Variants in CYP7B1 observed in about 807,000 individuals in gnomAD.
CYP7B1 encodes the protein cytochrome P450 family 7 subfamily B member 1, also known as cytochrome P450 7B1.
CYP7B1 carries 29 observed loss-of-function variants against 42.7 expected under a neutral mutation model. The ratio of observed to expected loss-of-function variants is 0.68; its 90% CI spans 0.51 to 0.93. The LOEUF (loss-of-function observed/expected upper bound fraction) is 0.93, where lower values mean the gene tolerates loss of function less well. CYP7B1 is among the 40% of genes least tolerant of loss of function. CYP7B1 has a pLI of 0.00. For synonymous variants in CYP7B1, 235 were observed against 218.2 expected, an observed-to-expected ratio of 1.08 and a Z score of -0.68; for missense variants, 655 against 600.5, an observed-to-expected ratio of 1.09 and a Z score of -0.95.
intron 1 of CYP7B1, among the ~76,000 whole-genome samples, chr8:64,763,160 T>C (rs1265598618): frequency 6.6e-6 from 1 of 152,232 alleles, no homozygotes; most frequent in Non-Finnish European, 1.5e-5. Flanking sequence ...ACTGTGCTCC[T>C]GATCCAGCAA....
chr8:64,711,122 G>C (rs1404697431), intron 1 of CYP7B1, among the ~76,000 whole-genome samples: 1 of 152,146 alleles, frequency 6.6e-6, no homozygotes, highest in Non-Finnish European at 1.5e-5. Flanking sequence ...GGGAGTAAAA[G>C]GTTTTCAAAT....
chr8:64,762,853 A>G (rs762816851), intron 1 of CYP7B1, among the ~76,000 whole-genome samples: 8 of 152,178 alleles, frequency 5.3e-5, no homozygotes, highest in Non-Finnish European at 8.8e-5. Flanking sequence ...TACTGGGTGA[A>G]TAGTATATGT....
rs1156603706 is a variant in CYP7B1 at position 64,715,398 on chromosome 8, T to G, written c.122+83068A>C. ...ATAAAAGGGCCTCCACTGAACAGTTTATATAAATTAGCACACAACACTTTT... is the reference window on the plus strand; with the variant it reads ...ATAAAAGGGCCTCCACTGAACAGTTGATATAAATTAGCACACAACACTTTT... On this transcript the variant is annotated intron_variant, in intron 1 of 5. Coordinates refer to ENST00000310193, the MANE Select transcript of CYP7B1 (RefSeq NM_004820.5). Among the ~76,000 whole-genome samples, 5 of 152,180 alleles carry G rather than the reference T, an allele frequency of 3.3e-5. No homozygotes were observed. The East Asian group carries it at 9.6e-4, about 29-fold the overall frequency.
At position 64,594,902 on chromosome 8, in the gene CYP7B1, T is replaced by G. The variant is rs1207027397; in HGVS notation, c.*1740A>C. ...ATGGCTGAGAAGATTCCATACTTGA[T>G]GGGAGACACCTGTGCTCAGATTCAA... On this transcript the variant is annotated 3_prime_UTR_variant, in exon 6 of 6. Transcript: ENST00000310193. Among the ~76,000 whole-genome samples, 1 of 152,190 alleles carries G rather than the reference T, an allele frequency of 6.6e-6. No homozygotes were observed. The highest frequency in any genetic ancestry group is 1.5e-5 in the Non-Finnish European group (1 of 68,032).
chr8:64,776,056 C>G (rs1212945282), intron 1 of CYP7B1, among the ~76,000 whole-genome samples: 1 of 152,064 alleles, frequency 6.6e-6, no homozygotes, highest in Non-Finnish European at 1.5e-5. Flanking sequence ...TTTTCTCTTT[C>G]AATAAGGAGA....
At chr8:64,665,191 T>A (rs539803073) in intron 1 of CYP7B1, among the ~76,000 whole-genome samples, 62 of 152,216 alleles carry the variant, frequency 4.1e-4, no homozygotes, top group Non-Finnish European at 7.9e-4. Context: ...TTAAAAGTTA[T>A]GATTTTTGCC....
At chr8:64,611,679 C>A (rs1805366065) in intron 4 of CYP7B1, among the ~76,000 whole-genome samples, 1 of 152,136 alleles carries the variant, frequency 6.6e-6, no homozygotes, top group Non-Finnish European at 1.5e-5. Flanking sequence ...ACATCCCTCA[C>A]CTGGACCATG....
In CYP7B1 at chr8:64,729,136, G is replaced by C. The variant is rs1807370831; in HGVS notation, c.122+69330C>G. On this transcript the variant is annotated intron_variant, in intron 1 of 5. Transcript: ENST00000310193. ...GAGAGTGCCACTGCACTCCCGCCTGGGCAACAGATCGATACCCTGTCTCAG... is the reference window on the plus strand; with the variant it reads ...GAGAGTGCCACTGCACTCCCGCCTGCGCAACAGATCGATACCCTGTCTCAG... 2.6e-5 allele frequency: 4 copies of C among 152,176 alleles called. No individual in the cohort carries two copies. The South Asian group carries it at 8.3e-4, about 32-fold the overall frequency. 9.4% of individuals were successfully genotyped at this position (152,176 alleles called of 1,614,324 possible).
rs898966884 is a variant in CYP7B1, at chr8:64,594,111, G to A, written c.*2531C>T. On this transcript the variant is annotated 3_prime_UTR_variant, in exon 6 of 6. Coordinates refer to ENST00000310193, the MANE Select transcript of CYP7B1 (RefSeq NM_004820.5). ...TATCATGGACTAAATGTGTGTATGT[G>A]GGGGGTGGGTGGTGGGGCTTGGGGA... Among the ~76,000 whole-genome samples the A allele has an allele frequency of 7.9e-5, 12 of 152,086 alleles. No homozygotes were observed. Among genetic ancestry groups the A allele is most frequent in the African/African-American group, 2.4e-4 (10 of 41,440 alleles).
chr8:64,788,990 G>A (rs1399822484), intron 1 of CYP7B1, among the ~76,000 whole-genome samples: 4 of 151,802 alleles, frequency 2.6e-5, no homozygotes, highest in Non-Finnish European at 2.9e-5. Flanking sequence ...GTGTGATCTC[G>A]GCTCACTGCA....
chr8:64,596,675 A>G lies in CYP7B1; in HGVS notation c.1488T>C (p.Ser496=). 6.2e-7 allele frequency: 1 copy of G among 1,613,414 alleles called. No homozygotes were observed. The part of the protein sequence containing the change: ...RLLFGIQYPD[S]DVLFRYKVKS Reference sequence around the variant, plus strand: ...TCACTTTGTATCTAAATAAAACATCAGAATCTGGATACTGAATACCAAACA... The same window carrying G: ...TCACTTTGTATCTAAATAAAACATCGGAATCTGGATACTGAATACCAAACA... The change falls in exon 6 of 6, where the codon TCT becomes TCC. Residue 496 remains serine, a synonymous_variant. Coordinates refer to ENST00000310193, the MANE Select transcript of CYP7B1 (RefSeq NM_004820.5).
At chr8:64,632,794 GT>G (rs1421452038) in intron 1 of CYP7B1, among the ~76,000 whole-genome samples, 5 of 152,042 alleles carry the variant, frequency 3.3e-5, no homozygotes, top group African/African-American at 1.2e-4. Context: ...AGGCAATAAT[GT>G]CCCTCTCATC....
intron 1 of CYP7B1, among the ~76,000 whole-genome samples, chr8:64,628,289 T>C (rs914108786): frequency 6.6e-6 from 1 of 152,208 alleles, no homozygotes; most frequent in Non-Finnish European, 1.5e-5. Context: ...GTTTCTTTCA[T>C]ACAAGTTGTA....
At chr8:64,618,516 C>T (rs1805480158) in intron 2 of CYP7B1, among the ~76,000 whole-genome samples, 1 of 151,878 alleles carries the variant, frequency 6.6e-6, no homozygotes, top group South Asian at 2.1e-4. Context: ...AGAGGCTGTA[C>T]ACATGTTACA....
intron 1 of CYP7B1, among the ~76,000 whole-genome samples, chr8:64,642,048 G>T (rs1171843850): frequency 2.6e-5 from 4 of 152,096 alleles, no homozygotes; most frequent in East Asian, 3.9e-4. Flanking sequence ...GAACTACATG[G>T]TTCTTTGCAT....
chr8:64,781,714 A>G (rs1293860982), intron 1 of CYP7B1, among the ~76,000 whole-genome samples: 1 of 152,138 alleles, frequency 6.6e-6, no homozygotes, highest in Non-Finnish European at 1.5e-5. Flanking sequence ...CTGATTAGCA[A>G]CCTTCATTCC....
chr8:64,797,080 C>A (rs1473536468), intron 1 of CYP7B1, among the ~76,000 whole-genome samples: 1 of 152,130 alleles, frequency 6.6e-6, no homozygotes, highest in Non-Finnish European at 1.5e-5. Flanking sequence ...CAGTTGATGG[C>A]ATGAATATCT....
At chr8:64,693,306 TC>T (rs1369953451) in intron 1 of CYP7B1, among the ~76,000 whole-genome samples, 1 of 152,230 alleles carries the variant, frequency 6.6e-6, no homozygotes, top group Non-Finnish European at 1.5e-5. Flanking sequence ...TATGTGTGCG[TC>T]CGTGTGTGTG....
intron 1 of CYP7B1, among the ~76,000 whole-genome samples, chr8:64,668,984 C>G (rs1806324374): frequency 6.6e-6 from 1 of 152,098 alleles, no homozygotes; most frequent in African/African-American, 2.4e-5. Context: ...CAGAGACAGA[C>G]AGCATAACGG....
Sources: allele counts gnomAD v4.1 joint callset (sites outside exome capture counted in the v4.1 genomes callset), GRCh38; gene constraint gnomAD v4.1.1; transcripts MANE v1.5; gene names NCBI Gene and HGNC (gene_info 2026-07-23, HGNC 2026-07-21).